The following PDE8B variants were observed in gnomAD, a reference collection of about 807,000 sequenced individuals.
PDE8B encodes the protein phosphodiesterase 8B.
In PDE8B, 26 loss-of-function variants were observed where a neutral mutation model predicts 101.3. The ratio of observed to expected loss-of-function variants is 0.26; its 90% CI spans 0.19 to 0.36. PDE8B has a LOEUF of 0.36. Ranked by LOEUF, PDE8B falls within the 10% of genes least tolerant of loss-of-function variation. The pLI, the probability that PDE8B is intolerant of heterozygous loss-of-function variation, is 1.00. For synonymous variants in PDE8B, 424 were observed against 429.3 expected (o/e 0.99, Z 0.15); for missense variants, 810 against 1,163.1 (o/e 0.70, Z 4.42).
At chr5:77,413,456 A>G in intron 17 of PDE8B, 147 bp downstream of exon 17, 1 of 673,344 alleles carries the variant, frequency 1.5e-6, no homozygotes, top group African/African-American at 1.8e-5. Flanking sequence ...TTGACTAGTC[A>G]CTTTGGTGTT....
At chr5:77,255,298 T>C (rs943006582) in intron 1 of PDE8B, among the ~76,000 whole-genome samples, 12 of 152,250 alleles carry the variant, frequency 7.9e-5, no homozygotes, top group African/African-American at 2.2e-4. Flanking sequence ...TTAATTGAAG[T>C]TTAGAGTATA....
chr5:77,331,697 A>G (rs1777167040), intron 5 of PDE8B, among the ~76,000 whole-genome samples: 2 of 152,234 alleles, frequency 1.3e-5, no homozygotes, highest in Non-Finnish European at 2.9e-5. Context: ...ATACAATGAC[A>G]TAAAAACACA....
chr5:77,109,927 G>GTTTTTTTTTTTTTTTTTTTTTTGTT, the PDE8B span, among the ~76,000 whole-genome samples: 2 of 67,234 alleles, frequency 3.0e-5, no homozygotes, highest in African/African-American at 1.2e-4. Flanking sequence ...TTGTATTTCA[G>GTTTTTTTTTTTTTTTTTTTTTTGTT]TTTTTTTTTT....
the PDE8B span, among the ~76,000 whole-genome samples, chr5:77,196,944 GTCTA>G: frequency 4.6e-5 from 7 of 152,122 alleles, no homozygotes; most frequent in South Asian, 4.2e-4. Flanking sequence ...CTAGGGAAAT[GTCTA>G]TCTAAACTGT....
the PDE8B span, among the ~76,000 whole-genome samples, chr5:77,169,020 G>A: frequency 6.6e-6 from 1 of 152,204 alleles, no homozygotes; most frequent in African/African-American, 2.4e-5. Flanking sequence ...AACCAACAGA[G>A]TCTGGGGATT....
chr5:77,141,536 C>A, the PDE8B span: 6 of 152,168 alleles, frequency 3.9e-5, no homozygotes, highest in Admixed American at 3.9e-4. Flanking sequence ...GAATCATCTC[C>A]AACTCTGCAG....
chr5:77,424,409 C>A (rs535595493), intron 20 of PDE8B, among the ~76,000 whole-genome samples: 1 of 152,310 alleles, frequency 6.6e-6, no homozygotes, highest in South Asian at 2.1e-4. Context: ...TTTGAGCTGG[C>A]CTTCTGGCTT....
chr5:77,378,042 ACACAC>A (rs371120237), intron 10 of PDE8B, among the ~76,000 whole-genome samples: 23,972 of 145,650 alleles, frequency 0.16, 2,331 homozygotes, highest in Middle Eastern at 0.3. Context: ...ACACACACAC[ACACAC>A]ACCCCCTGTT....
the PDE8B span, among the ~76,000 whole-genome samples, chr5:77,099,565 A>G: frequency 2.6e-5 from 4 of 151,826 alleles, no homozygotes; most frequent in Non-Finnish European, 4.4e-5. Flanking sequence ...TTGCTGGGGC[A>G]TGCGACTCTA....
At chr5:77,195,769 A>T in the PDE8B span, among the ~76,000 whole-genome samples, 2 of 152,306 alleles carry the variant, frequency 1.3e-5, no homozygotes, top group African/African-American at 4.8e-5. Flanking sequence ...TAAGAAAATC[A>T]TAAGGGAGGG....
At chr5:77,127,915 T>A in the PDE8B span, among the ~76,000 whole-genome samples, 207 of 152,322 alleles carry the variant, frequency 1.4e-3, 2 homozygotes, top group African/African-American at 4.7e-3. Flanking sequence ...GGCTTGGCGT[T>A]CTGTCTCCTC....
At chr5:77,207,843 A>G (rs1170378995), upstream of PDE8B, among the ~76,000 whole-genome samples, 2 of 152,198 alleles carry the variant, frequency 1.3e-5, no homozygotes, top group African/African-American at 4.8e-5. Context: ...ATAAGGACAC[A>G]TTATTTTTTT....
chr5:77,348,369 G>T (rs1218812751), intron 7 of PDE8B, among the ~76,000 whole-genome samples: 1 of 152,154 alleles, frequency 6.6e-6, no homozygotes, highest in Non-Finnish European at 1.5e-5. Context: ...GGTGGGACAG[G>T]ACCTGGGAGT....
At position 77,349,539 on chromosome 5, in the gene PDE8B, A is replaced by T. The variant is rs1450123016; in HGVS notation, c.997A>T (p.Thr333Ser). 1 of 1,614,204 alleles carries T rather than the reference A, an allele frequency of 6.2e-7. No individual in the cohort carries two copies. Among genetic ancestry groups the T allele is most frequent in the Non-Finnish European group, 8.5e-7 (1 of 1,180,028 alleles). Residue 333 changes from threonine (T) to serine (S), a missense_variant, in exon 8 of 22, where the codon ACA becomes TCA. Thr to Ser is a moderately conservative substitution (Grantham distance 58). Transcript: ENST00000264917. Reference protein sequence around the residue: ...NRADLLDTINTCIKKGKEWQG... With the variant: ...NRADLLDTINSCIKKGKEWQG... ...GGCAGACCTTCTCGACACCATCAAT[A>T]CATGCATCAAGAAGGGAAAGGTGGG...
the PDE8B span, chr5:77,147,215 CCT>C: frequency 1.3e-5 from 4 of 298,944 alleles, no homozygotes; most frequent in African/African-American, 9.0e-5. Context: ...ATTTAAACCC[CCT>C]GTTTACAACT....
chr5:77,198,951 C>T, the PDE8B span, among the ~76,000 whole-genome samples: 1 of 152,140 alleles, frequency 6.6e-6, no homozygotes, highest in Non-Finnish European at 1.5e-5. Context: ...TCTGTTTTCC[C>T]ATAGTGATCC....
At chr5:77,178,038 C>T in the PDE8B span, among the ~76,000 whole-genome samples, 539 of 152,300 alleles carry the variant, frequency 3.5e-3, 7 homozygotes, top group African/African-American at 0.012. Flanking sequence ...TATGCAATAT[C>T]TCAGGAAAAA....
chr5:77,295,293 A>G (rs892400573), intron 1 of PDE8B, among the ~76,000 whole-genome samples: 7 of 152,198 alleles, frequency 4.6e-5, no homozygotes, highest in Admixed American at 4.6e-4. Flanking sequence ...TGAATTTCCC[A>G]TTAACCCTTC....
At chr5:77,289,849 TG>T (rs1766878461) in intron 1 of PDE8B, among the ~76,000 whole-genome samples, 1 of 152,198 alleles carries the variant, frequency 6.6e-6, no homozygotes, top group South Asian at 2.1e-4. Context: ...AGTTGACATT[TG>T]TGTTTTCATG....
Sources: gnomAD v4.1 joint callset for allele counts (sites outside exome capture counted in the v4.1 genomes callset) on GRCh38, gnomAD v4.1.1 for gene constraint, MANE v1.5 for transcripts, NCBI Gene and HGNC (gene_info 2026-07-23, HGNC 2026-07-21) for gene names.